Variants in CPAMD8 observed in about 807,000 individuals in gnomAD.
CPAMD8 encodes C3 and PZP-like alpha-2-macroglobulin domain-containing protein 8.
CPAMD8 carries 146 observed loss-of-function variants against 224.7 expected under a neutral mutation model. That is an observed-to-expected ratio of 0.65 (90% CI 0.57 to 0.75). The LOEUF (loss-of-function observed/expected upper bound fraction) is 0.75. Ranked by LOEUF, CPAMD8 falls within the 30% of genes least tolerant of loss-of-function variation. The pLI, the probability that CPAMD8 is intolerant of heterozygous loss-of-function variation, is 0.00. For missense variants in CPAMD8, 2,301 were observed against 2,537.5 expected, an observed-to-expected ratio of 0.91 and a Z score of 2.00; for synonymous variants, 966 against 1,044.6, an observed-to-expected ratio of 0.92 and a Z score of 1.45.
chr19:16,893,589 T>G (rs1485414148), intron 41 of CPAMD8: 1 of 419,470 alleles, frequency 2.4e-6, no homozygotes, highest in East Asian at 3.4e-5. Flanking sequence ...CATAAGCAGG[T>G]GCCAGGGGTC....
chr19:16,975,875 G>T, intron 16 of CPAMD8, 127 bp downstream of exon 16: 1 of 1,022,058 alleles, frequency 9.8e-7, no homozygotes, highest in Non-Finnish European at 1.3e-6. Context: ...AAATGAACCC[G>T]ACGGAGAAAG....
chr19:16,963,193 T>C (rs1342361872), intron 18 of CPAMD8, among the ~76,000 whole-genome samples: 2 of 152,266 alleles, frequency 1.3e-5, no homozygotes, highest in African/African-American at 4.8e-5. Flanking sequence ...CACATAACAA[T>C]ATTAACCTTA....
rs1568564010 is a variant in CPAMD8, at chr19:16,985,366, G to GGATGGATGGAT, written c.1395+4276_1395+4277insATCCATCCATC. ...GCGGATGGATGGATGGATGGATGGA[G>GGATGGATGGAT]GGTAGATAAATAGGTAAGTGTAGTG... On this transcript the variant is annotated intron_variant, in intron 13 of 41. Transcript: ENST00000443236. Among the ~76,000 whole-genome samples the GGATGGATGGAT allele has an allele frequency of 1.7e-3, 120 of 71,120 alleles. 2 individuals are homozygous for GGATGGATGGAT. In the Middle Eastern group the frequency reaches 0.035, roughly 21 times the overall value. 46.7% of individuals were successfully genotyped at this position (71,120 alleles called of 152,430 possible). A position where few individuals can be genotyped will look rare whatever the true frequency, so the allele number is the denominator to read the frequency against.
chr19:16,977,274 T>C, intron 15 of CPAMD8, 94 bp downstream of exon 15: 3 of 747,772 alleles, frequency 4.0e-6, no homozygotes, highest in Non-Finnish European at 4.6e-6. Context: ...CGACACAACA[T>C]GAGTCTCAGG....
At chr19:16,935,930 ATT>A (rs112965775) in intron 23 of CPAMD8, among the ~76,000 whole-genome samples, 29 of 141,604 alleles carry the variant, frequency 2.0e-4, no homozygotes, top group Non-Finnish European at 2.2e-4. Context: ...AGTGTTCACT[ATT>A]TTTTTTTTTT....
At chr19:17,014,002 C>CCCTT (rs2056740599) in intron 3 of CPAMD8, among the ~76,000 whole-genome samples, 2 of 76,316 alleles carry the variant, frequency 2.6e-5, no homozygotes, top group Non-Finnish European at 5.1e-5. Flanking sequence ...CACATTCCTT[C>CCCTT]CCTCCCTCCC....
chr19:16,979,294 ACC>A (rs1323934833), intron 14 of CPAMD8, among the ~76,000 whole-genome samples: 1 of 61,754 alleles, frequency 1.6e-5, no homozygotes, highest in Admixed American at 1.4e-4. Flanking sequence ...ATCCTTCTGT[ACC>A]TCCATCCATC....
In CPAMD8 at chr19:16,896,682, G is replaced by T. The variant is rs1005885289; in HGVS notation, c.5066-17C>A. ...GGAACCAGCCTGGGGGACGAGGCAG[G>T]CTCGACAGACCCCCCACCCTGAACC... is the stretch of plus-strand genomic sequence containing the variant. On this transcript the variant is annotated splice_polypyrimidine_tract_variant and intron_variant, in intron 39 of 41. Transcript: ENST00000443236. 5 of 1,419,376 alleles carry T rather than the reference G, an allele frequency of 3.5e-6. No individual in the cohort carries two copies. Among genetic ancestry groups the T allele is most frequent in the Non-Finnish European group, 3.7e-6 (4 of 1,084,948 alleles). 87.9% of individuals were successfully genotyped at this position (1,419,376 alleles called of 1,614,324 possible).
chr19:17,009,191 G>T (rs1462680393), intron 6 of CPAMD8, 112 bp downstream of exon 6: 1 of 1,579,720 alleles, frequency 6.3e-7, no homozygotes, highest in African/African-American at 1.3e-5. Flanking sequence ...GCCTTGTAAG[G>T]CACAGCGGCT....
chr19:16,986,565 A>G (rs2055728997), intron 13 of CPAMD8, among the ~76,000 whole-genome samples: 1 of 151,836 alleles, frequency 6.6e-6, no homozygotes, highest in African/African-American at 2.4e-5. Flanking sequence ...CATTCTTACA[A>G]CCTCTGCAAA....
At chr19:16,911,690 C>A (rs527363595) in intron 29 of CPAMD8, among the ~76,000 whole-genome samples, 5 of 152,132 alleles carry the variant, frequency 3.3e-5, no homozygotes, top group Non-Finnish European at 7.3e-5. Flanking sequence ...GGACTACAGG[C>A]GCCTGCCACC....
At chr19:16,938,286 G>A in intron 23 of CPAMD8, 109 bp downstream of exon 23, 1 of 573,026 alleles carries the variant, frequency 1.7e-6, no homozygotes, top group South Asian at 2.5e-5. Flanking sequence ...GGAAGGGCAG[G>A]TGCTCACTTT....
rs115163661 is a variant in CPAMD8 at position 16,930,560 on chromosome 19, G to A, written c.2846-1320C>T. 1.6e-3 allele frequency among the ~76,000 whole-genome samples: 246 copies of A among 152,256 alleles called. 1 individual carries two copies. Among genetic ancestry groups the A allele is most frequent in the African/African-American group, 3.3e-3 (139 of 41,544 alleles). ...ATGGAAATAATACATGGTGCTTGGCGGGAATCAGCTGGGGGCCGGGAGTAG... is the reference window on the plus strand; with the variant it reads ...ATGGAAATAATACATGGTGCTTGGCAGGAATCAGCTGGGGGCCGGGAGTAG... On this transcript the variant is annotated intron_variant, in intron 23 of 41. Coordinates refer to ENST00000443236, the MANE Select transcript of CPAMD8 (RefSeq NM_015692.5).
chr19:16,994,627 T>C lies in CPAMD8; in HGVS notation c.1096-1041A>G, dbSNP rs1407822682. Among the ~76,000 whole-genome samples, 3 of 144,974 alleles carry C rather than the reference T, an allele frequency of 2.1e-5. No homozygotes were observed. The Admixed American group carries it at 2.2e-4, about 11-fold the overall frequency. ...CCTCTACCTCCTGGGCTCGCAATCC[T>C]CCTGCCTCATCCTCCTGATAGCTGG... On this transcript the variant is annotated intron_variant, in intron 11 of 41. Transcript: ENST00000443236.
chr19:16,995,326 T>C (rs893958848), intron 11 of CPAMD8, among the ~76,000 whole-genome samples: 1 of 152,238 alleles, frequency 6.6e-6, no homozygotes, highest in Non-Finnish European at 1.5e-5. Flanking sequence ...TGCATGACAC[T>C]GGGCTCTGTT....
At chr19:16,984,313 C>CA (rs34428169) in intron 13 of CPAMD8, among the ~76,000 whole-genome samples, 2,390 of 84,984 alleles carry the variant, frequency 0.028, 45 homozygotes, top group Non-Finnish European at 0.038. Context: ...GGTCCTATCT[C>CA]AAAAAAAAAA....
intron 12 of CPAMD8, among the ~76,000 whole-genome samples, chr19:16,992,369 G>A (rs1043414403): frequency 5.9e-5 from 9 of 152,110 alleles, no homozygotes; most frequent in African/African-American, 2.2e-4. Flanking sequence ...GTGGAAGGAT[G>A]GCTTGAGTCC....
At chr19:17,025,437 A>G (rs1303349418) in intron 1 of CPAMD8, among the ~76,000 whole-genome samples, 1 of 152,122 alleles carries the variant, frequency 6.6e-6, no homozygotes, top group African/African-American at 2.4e-5. Flanking sequence ...AACAAACCCC[A>G]AAAACAACAA....
At position 17,018,907 on chromosome 19, in the gene CPAMD8, CA is replaced by C. The variant is rs769554399; in HGVS notation, c.267+1423del. On this transcript the variant is annotated intron_variant, in intron 3 of 41. Coordinates refer to ENST00000443236, the MANE Select transcript of CPAMD8 (RefSeq NM_015692.5). ...TGGGAGACAGAGTGAGACTTCATCTCAAAAAAAAAAAAGAAAAAAAAAACCA... is the reference window on the plus strand; with the variant it reads ...TGGGAGACAGAGTGAGACTTCATCTCAAAAAAAAAAAGAAAAAAAAAACCA... Among the ~76,000 whole-genome samples, 171 of 93,632 alleles carry C rather than the reference CA, an allele frequency of 1.8e-3. 1 individual carries two copies. Among genetic ancestry groups the C allele is most frequent in the Admixed American group, 9.7e-4 (8 of 8,214 alleles). The allele number at this position is 93,632 out of a possible 152,430, so 61.4% of individuals were successfully genotyped here.
Sources: gnomAD v4.1 joint callset for allele counts (sites outside exome capture counted in the v4.1 genomes callset) on GRCh38, gnomAD v4.1.1 for gene constraint, MANE v1.5 for transcripts, NCBI Gene and HGNC (gene_info 2026-07-23, HGNC 2026-07-21) for gene names.